CSMD1: variants seen among roughly 807,000 people sequenced by gnomAD.
The protein encoded by CSMD1 is CUB and sushi domain-containing protein 1.
Under a neutral mutation model 417.5 loss-of-function variants are expected in CSMD1, and 213 were observed. The ratio of observed to expected loss-of-function variants is 0.51; its 90% CI spans 0.46 to 0.57. The LOEUF is 0.57. Among genes scored for constraint, CSMD1 ranks in the 20% least tolerant of loss-of-function variants. The pLI, the probability that CSMD1 is intolerant of heterozygous loss-of-function variation, is 0.00. For synonymous variants in CSMD1, 2,862 were observed against 1,736.8 expected (o/e 1.65, Z -16.11); for missense variants, 6,923 against 4,529.7 (o/e 1.53, Z -15.17).
chr8:3,567,776 C>A (rs923833208), intron 10 of CSMD1, among the ~76,000 whole-genome samples: 1 of 152,188 alleles, frequency 6.6e-6, no homozygotes, highest in Non-Finnish European at 1.5e-5. Context: ...TTCCCTCACA[C>A]CCTCTGCTAC....
chr8:4,992,096 C>T (rs990367336), intron 1 of CSMD1, among the ~76,000 whole-genome samples: 3 of 152,200 alleles, frequency 2.0e-5, no homozygotes, highest in African/African-American at 7.2e-5. Flanking sequence ...CTGCAGCGCG[C>T]AAGAGGAGCT....
intron 22 of CSMD1, among the ~76,000 whole-genome samples, chr8:3,346,024 C>T (rs893812362): frequency 6.6e-6 from 1 of 152,126 alleles, no homozygotes; most frequent in Non-Finnish European, 1.5e-5. Flanking sequence ...TTTATTATTA[C>T]ATCACAGTAT....
chr8:4,868,224 T>G (rs1802529914), intron 1 of CSMD1, among the ~76,000 whole-genome samples: 1 of 152,068 alleles, frequency 6.6e-6, no homozygotes, highest in Non-Finnish European at 1.5e-5. Flanking sequence ...GTATGTTATT[T>G]TATTAGTCGT....
chr8:3,285,613 G>T (rs569896864), intron 25 of CSMD1, among the ~76,000 whole-genome samples: 2 of 151,838 alleles, frequency 1.3e-5, no homozygotes, highest in South Asian at 4.2e-4. Flanking sequence ...TGACCAGGCT[G>T]GTCTTGAACT....
intron 12 of CSMD1, among the ~76,000 whole-genome samples, chr8:3,411,037 G>C (rs1035956666): frequency 1.3e-5 from 2 of 152,196 alleles, no homozygotes; most frequent in Admixed American, 6.5e-5. Flanking sequence ...CAAATGGGCA[G>C]AGGTGGTTTG....
intron 37 of CSMD1, among the ~76,000 whole-genome samples, chr8:3,165,494 T>C (rs900986499): frequency 6.6e-6 from 1 of 152,054 alleles, no homozygotes; most frequent in Non-Finnish European, 1.5e-5. Flanking sequence ...TGCAGTGGTG[T>C]GATCTCAGCT....
intron 11 of CSMD1, among the ~76,000 whole-genome samples, chr8:3,483,105 G>A (rs1483427210): frequency 6.6e-6 from 1 of 152,040 alleles, no homozygotes; most frequent in Admixed American, 6.6e-5. Context: ...AAGAAACTAG[G>A]AGGAAGAGTG....
intron 5 of CSMD1, among the ~76,000 whole-genome samples, chr8:3,820,827 G>A (rs1344353017): frequency 2.0e-5 from 3 of 151,642 alleles, no homozygotes; most frequent in Non-Finnish European, 4.4e-5. Flanking sequence ...CAGGTGATCT[G>A]CTGACCTCGA....
intron 2 of CSMD1, among the ~76,000 whole-genome samples, chr8:4,523,542 C>A (rs1016331832): frequency 1.3e-5 from 2 of 152,126 alleles, no homozygotes; most frequent in African/African-American, 2.4e-5. Flanking sequence ...CACACACTCA[C>A]ACACATGCAG....
At chr8:4,236,029 TTTTTTGTTTG>T (rs1563316509) in intron 3 of CSMD1, among the ~76,000 whole-genome samples, 2 of 15,278 alleles carry the variant, frequency 1.3e-4, no homozygotes, top group Non-Finnish European at 8.5e-4. Context: ...GGATATTGTT[TTTTTTGTTTG>T]TTTTTTTTTT....
At chr8:4,737,821 A>G (rs542460415) in intron 1 of CSMD1, among the ~76,000 whole-genome samples, 14 of 152,334 alleles carry the variant, frequency 9.2e-5, no homozygotes, top group Middle Eastern at 3.4e-3. Flanking sequence ...AGTAATGGGC[A>G]GCATATGGTA....
At chr8:4,761,263 C>T (rs754924938) in intron 1 of CSMD1, among the ~76,000 whole-genome samples, 1 of 151,960 alleles carries the variant, frequency 6.6e-6, no homozygotes, top group African/African-American at 2.4e-5. Flanking sequence ...CTCTTCAGAA[C>T]AGGAAAGCAT....
At chr8:4,838,553 A>G (rs1268371150) in intron 1 of CSMD1, among the ~76,000 whole-genome samples, 1 of 152,198 alleles carries the variant, frequency 6.6e-6, no homozygotes, top group African/African-American at 2.4e-5. Flanking sequence ...ACCTGCTTAC[A>G]CCTGGGTGGG....
intron 11 of CSMD1, among the ~76,000 whole-genome samples, chr8:3,479,441 C>A (rs1016185106): frequency 1.3e-5 from 2 of 152,102 alleles, no homozygotes; most frequent in African/African-American, 4.8e-5. Context: ...CCACCATGCC[C>A]AGCTAATTTT....
chr8:4,203,331 T>C (rs1363135763), intron 3 of CSMD1, among the ~76,000 whole-genome samples: 1 of 152,130 alleles, frequency 6.6e-6, no homozygotes, highest in Non-Finnish European at 1.5e-5. Context: ...GGGAGACCCA[T>C]CTGCAGGTTA....
intron 5 of CSMD1, among the ~76,000 whole-genome samples, chr8:3,762,024 C>A (rs1563351944): frequency 6.6e-6 from 1 of 152,076 alleles, no homozygotes; most frequent in South Asian, 2.1e-4. Flanking sequence ...CGGCCTTTAG[C>A]TTTTTCCTTG....
intron 6 of CSMD1, among the ~76,000 whole-genome samples, chr8:3,732,389 C>G (rs1026851): frequency 0.27 from 40,448 of 152,074 alleles, 6,126 homozygotes; most frequent in East Asian, 0.41. Context: ...AGGACTTTTT[C>G]TAGCTGTACC....
intron 2 of CSMD1, among the ~76,000 whole-genome samples, chr8:4,450,672 C>T (rs1233698603): frequency 6.6e-6 from 1 of 152,174 alleles, no homozygotes; most frequent in East Asian, 1.9e-4. Flanking sequence ...TATCCACTGT[C>T]TTGCACTGTA....
chr8:3,859,162 C>T (rs1026237660), intron 5 of CSMD1, among the ~76,000 whole-genome samples: 1 of 152,172 alleles, frequency 6.6e-6, no homozygotes, highest in Admixed American at 6.5e-5. Context: ...TAGCACTGTG[C>T]CAGACACACA....
Sources: allele counts gnomAD v4.1 joint callset (sites outside exome capture counted in the v4.1 genomes callset), GRCh38; gene constraint gnomAD v4.1.1; transcripts MANE v1.5; gene names NCBI Gene and HGNC (gene_info 2026-07-23, HGNC 2026-07-21).